CC2D2A: variants seen among roughly 807,000 people sequenced by gnomAD.
The protein encoded by CC2D2A is coiled-coil and C2 domain containing 2A, also known as coiled-coil and C2 domain-containing protein 2A.
CC2D2A carries 155 observed loss-of-function variants against 212.9 expected under a neutral mutation model. That is an observed-to-expected ratio of 0.73 (90% confidence interval 0.64 to 0.83). CC2D2A has a LOEUF of 0.83. Among genes scored for constraint, CC2D2A ranks in the 40% least tolerant of loss-of-function variants. The pLI is 0.00. For missense variants in CC2D2A, 1,856 were observed against 1,956.2 expected (o/e 0.95, Z 0.97); for synonymous variants, 667 against 686.5 (o/e 0.97, Z 0.44).
rs3822298 is a variant in CC2D2A at position 15,554,780 on chromosome 4, A to G, written c.2487-292A>G. 0.27 allele frequency among the ~76,000 whole-genome samples: 41,688 copies of G among 152,164 alleles called. 5,936 individuals are homozygous for G. Among genetic ancestry groups the G allele is most frequent in the East Asian group, 0.46 (2,396 of 5,176 alleles). On this transcript the variant is annotated intron_variant, in intron 19 of 36. Transcript: ENST00000424120. ...TTTGTGGGCTTCCAGCACCAGATAC[A>G]GAGGCCCCTCTTCACTGGCCAGAAT... is the stretch of plus-strand genomic sequence containing the variant.
At chr4:15,588,030 G>A in intron 32 of CC2D2A, 101 bp downstream of exon 32, 1 of 627,506 alleles carries the variant, frequency 1.6e-6, no homozygotes, top group South Asian at 2.6e-5. Context: ...CGATCCTTTG[G>A]GTTGCTAGGA....
chr4:15,589,572 G>A lies in CC2D2A; in HGVS notation c.4207G>A (p.Glu1403Lys), dbSNP rs1165296627. ...EGPTAYVLTWEQGRYLIWNPC... is the reference protein window; with the variant it reads ...EGPTAYVLTWKQGRYLIWNPC... The stretch of plus-strand genomic sequence containing the variant: ...TCCAACTGCCTATGTGCTAACTTGG[G>A]AGCAAGGTCGTTATTTAATATGGAA... The change falls in exon 33 of 37, where the codon GAG (glutamate) becomes AAG (lysine). Residue 1403 changes from glutamate to lysine, a missense_variant. Glu to Lys is a moderately conservative substitution (Grantham distance 56). Coordinates refer to ENST00000424120, the MANE Select transcript of CC2D2A (RefSeq NM_001378615.1). 5.0e-6 allele frequency: 8 copies of A among 1,612,518 alleles called. No homozygotes were observed. The highest frequency in any genetic ancestry group is 6.8e-6 in the Non-Finnish European group (8 of 1,179,086).
At chr4:15,575,702 A>G (rs61021642) in intron 29 of CC2D2A, among the ~76,000 whole-genome samples, 48,004 of 152,162 alleles carry the variant, frequency 0.32, 7,659 homozygotes, top group Middle Eastern at 0.43. Flanking sequence ...GTGCTTCTCT[A>G]GATATATGCA....
chr4:15,516,327 T>G (rs1716871439), intron 10 of CC2D2A, among the ~76,000 whole-genome samples: 1 of 152,212 alleles, frequency 6.6e-6, no homozygotes, highest in Non-Finnish European at 1.5e-5. Flanking sequence ...TGAGTTTTTA[T>G]TCTGTGTTTT....
At chr4:15,566,807 C>T (rs543385120) in intron 24 of CC2D2A, among the ~76,000 whole-genome samples, 91 of 151,890 alleles carry the variant, frequency 6.0e-4, no homozygotes, top group African/African-American at 2.1e-3. Context: ...CCTCTGGTCC[C>T]TACAAAAAAT....
intron 4 of CC2D2A, among the ~76,000 whole-genome samples, chr4:15,494,457 A>G (rs1363516547): frequency 6.6e-6 from 1 of 152,222 alleles, no homozygotes; most frequent in Non-Finnish European, 1.5e-5. Context: ...GCAAATGTGA[A>G]CTATCAGCAG....
chr4:15,596,327 C>A, intron 34 of CC2D2A, 120 bp downstream of exon 34: 1 of 796,570 alleles, frequency 1.3e-6, no homozygotes, highest in Non-Finnish European at 1.8e-6. Flanking sequence ...TCAAACGCAT[C>A]TGAGCTCAAC....
Position 15,537,962 on chromosome 4 carries a change from C to A in CC2D2A, c.1828C>A (p.Pro610Thr). The A allele has an allele frequency of 6.2e-7, 1 of 1,610,242 alleles. No homozygotes were observed. Among genetic ancestry groups the A allele is most frequent in the African/African-American group, 1.3e-5 (1 of 74,960 alleles). Residue 610 changes from proline (P) to threonine (T), a missense_variant, in exon 16 of 37, where the codon CCG (proline) becomes ACG (threonine). Pro to Thr is a conservative substitution (Grantham distance 38). Transcript: ENST00000424120. ...ACATCCCGGTGATGAGATTGCAGAGCCGTATCCCGAGGAGGACCTTGTGAA... is the reference window on the plus strand; with the variant it reads ...ACATCCCGGTGATGAGATTGCAGAGACGTATCCCGAGGAGGACCTTGTGAA... Reference protein sequence around the residue: ...EEHPGDEIAEPYPEEDLVKPS... With the variant: ...EEHPGDEIAETYPEEDLVKPS...
intron 29 of CC2D2A, among the ~76,000 whole-genome samples, chr4:15,578,393 T>C (rs978607363): frequency 3.9e-5 from 6 of 152,122 alleles, no homozygotes; most frequent in Non-Finnish European, 5.9e-5. Flanking sequence ...ACAAGAACAA[T>C]TGGGATAATC....
intron 11 of CC2D2A, among the ~76,000 whole-genome samples, chr4:15,524,378 G>A (rs538177168): frequency 4.2e-4 from 63 of 151,464 alleles, no homozygotes; most frequent in African/African-American, 1.5e-3. Context: ...TGATCCACCC[G>A]CCTTGGCCTC....
chr4:15,492,975 T>C, intron 4 of CC2D2A: 1 of 459,716 alleles, frequency 2.2e-6, no homozygotes, highest in South Asian at 1.7e-5. Context: ...TCATATTTGT[T>C]AATGCTTAAT....
At chr4:15,485,483 G>C (rs956960811) in intron 4 of CC2D2A, among the ~76,000 whole-genome samples, 1 of 152,064 alleles carries the variant, frequency 6.6e-6, no homozygotes, top group African/African-American at 2.4e-5. Context: ...CCTTTCTTTT[G>C]GATATATACC....
At chr4:15,589,783 G>T in intron 33 of CC2D2A, 104 bp downstream of exon 33, 2 of 290,230 alleles carry the variant, frequency 6.9e-6, no homozygotes, top group Non-Finnish European at 1.0e-5. Context: ...TTATATAAAT[G>T]AATATATATA....
rs559347578 is a variant in CC2D2A at position 15,524,551 on chromosome 4, C to T, written c.1150-2896C>T. Among the ~76,000 whole-genome samples the T allele has an allele frequency of 2.3e-4, 35 of 150,412 alleles. 1 individual carries two copies. Among genetic ancestry groups the T allele is most frequent in the African/African-American group, 7.1e-4 (29 of 40,866 alleles). ...CTGCAAGCTCCGCCTCCCGGGTTCA[C>T]GCCATTCTCCTGCCTCAGCCTCCCA... On this transcript the variant is annotated intron_variant, in intron 11 of 36. Transcript: ENST00000424120.
chr4:15,582,880 A>G (rs985548426), intron 30 of CC2D2A, among the ~76,000 whole-genome samples: 19 of 152,314 alleles, frequency 1.2e-4, no homozygotes, highest in African/African-American at 3.8e-4. Flanking sequence ...AACCAAAGGC[A>G]TAACAACAAT....
At chr4:15,474,484 C>CA (rs369683807) in intron 1 of CC2D2A, among the ~76,000 whole-genome samples, 132 of 138,908 alleles carry the variant, frequency 9.5e-4, no homozygotes, top group Non-Finnish European at 1.3e-3. Flanking sequence ...TTAATGGATA[C>CA]AAAAAAAAAA....
chr4:15,502,714 CCATTTT>C, intron 5 of CC2D2A, 102 bp from the exon 6 acceptor site: 1 of 1,096,232 alleles, frequency 9.1e-7, no homozygotes, highest in Non-Finnish European at 1.3e-6. Context: ...CTTTTCTGAA[CCATTTT>C]CCTTGCTCTT....
intron 2 of CC2D2A, 33 bp downstream of exon 2, chr4:15,476,004 T>A: frequency 6.4e-7 from 1 of 1,566,666 alleles, no homozygotes; most frequent in Non-Finnish European, 8.7e-7. Flanking sequence ...TCTAGGGATG[T>A]GTTTGTGTGT....
chr4:15,503,337 G>A (rs1008755082), intron 6 of CC2D2A, among the ~76,000 whole-genome samples: 3 of 152,106 alleles, frequency 2.0e-5, no homozygotes, highest in Non-Finnish European at 4.4e-5. Context: ...CTATTTATAA[G>A]GTACTACTCT....
Sources: gnomAD v4.1 joint callset for allele counts (sites outside exome capture counted in the v4.1 genomes callset) on GRCh38, gnomAD v4.1.1 for gene constraint, MANE v1.5 for transcripts, NCBI Gene and HGNC (gene_info 2026-07-23, HGNC 2026-07-21) for gene names.